Variants in DPYD observed in about 807,000 individuals in gnomAD.
DPYD encodes the protein dihydropyrimidine dehydrogenase.
A neutral mutation model predicts 116.2 loss-of-function variants in DPYD; 109 were observed. That is an observed-to-expected ratio of 0.94 (90% CI 0.80 to 1.10). The LOEUF is 1.10. Ranked by LOEUF, DPYD falls within the 50% of genes least tolerant of loss-of-function variation. DPYD has a pLI of 0.00. For synonymous variants in DPYD, 440 were observed against 432.0 expected (o/e 1.02, Z -0.23); for missense variants, 1,302 against 1,254.5 (o/e 1.04, Z -0.57).
chr1:97,402,197 A>G (rs1326409807), intron 14 of DPYD, among the ~76,000 whole-genome samples: 1 of 152,128 alleles, frequency 6.6e-6, no homozygotes, highest in Admixed American at 6.6e-5. Context: ...CATTGCATCT[A>G]TAGATCAAGC....
chr1:97,265,878 A>T (rs1176175178), intron 18 of DPYD, among the ~76,000 whole-genome samples: 1 of 152,158 alleles, frequency 6.6e-6, no homozygotes, highest in Non-Finnish European at 1.5e-5. Context: ...AGAAAACCCC[A>T]TCACTCTATT....
At chr1:97,368,890 G>A (rs1671174464) in intron 16 of DPYD, among the ~76,000 whole-genome samples, 1 of 152,122 alleles carries the variant, frequency 6.6e-6, no homozygotes. Context: ...GCCAGGGAAG[G>A]CCATATCTTG....
At chr1:97,866,395 C>A (rs111599405) in intron 2 of DPYD, among the ~76,000 whole-genome samples, 1 of 151,958 alleles carries the variant, frequency 6.6e-6, no homozygotes, top group Non-Finnish European at 1.5e-5. Flanking sequence ...AAAAACCAAA[C>A]TTTAAATGTG....
chr1:97,357,542 T>A (rs564115330), intron 16 of DPYD, among the ~76,000 whole-genome samples: 1 of 152,316 alleles, frequency 6.6e-6, no homozygotes, highest in East Asian at 1.9e-4. Context: ...CAGTACTATC[T>A]TTTTAAAACA....
intron 12 of DPYD, among the ~76,000 whole-genome samples, chr1:97,531,673 G>A (rs1332154285): frequency 6.6e-6 from 1 of 152,024 alleles, no homozygotes; most frequent in East Asian, 1.9e-4. Flanking sequence ...AATGTATTTG[G>A]AATTTTGATA....
intron 5 of DPYD, among the ~76,000 whole-genome samples, chr1:97,716,162 T>G (rs1662603681): frequency 6.6e-6 from 1 of 152,070 alleles, no homozygotes; most frequent in African/African-American, 2.4e-5. Context: ...TTAATTGTAT[T>G]AGTGTATATT....
chr1:97,317,351 G>T (rs192515769), intron 16 of DPYD, among the ~76,000 whole-genome samples: 1 of 152,018 alleles, frequency 6.6e-6, no homozygotes, highest in African/African-American at 2.4e-5. Context: ...ATGAACCCCA[G>T]CAGGTTTCCT....
At chr1:97,881,165 G>A (rs1672199574) in intron 2 of DPYD, among the ~76,000 whole-genome samples, 2 of 152,010 alleles carry the variant, frequency 1.3e-5, no homozygotes, top group South Asian at 4.1e-4. Flanking sequence ...ATCTCAAAAT[G>A]TAGCTATATT....
intron 3 of DPYD, among the ~76,000 whole-genome samples, chr1:97,746,516 A>G (rs1185907011): frequency 6.6e-6 from 1 of 152,118 alleles, no homozygotes; most frequent in Non-Finnish European, 1.5e-5. Flanking sequence ...CGAAAAATAT[A>G]CTTATGACTA....
At chr1:97,847,866 T>C (rs548294874) in intron 2 of DPYD, among the ~76,000 whole-genome samples, 1 of 152,244 alleles carries the variant, frequency 6.6e-6, no homozygotes, top group Non-Finnish European at 1.5e-5. Flanking sequence ...AATAACCAAA[T>C]AAAGCTTACT....
At chr1:97,754,162 T>A (rs1441610484) in intron 3 of DPYD, among the ~76,000 whole-genome samples, 1 of 152,124 alleles carries the variant, frequency 6.6e-6, no homozygotes, top group Non-Finnish European at 1.5e-5. Flanking sequence ...TCAGTTTAAT[T>A]CATATCATAA....
intron 4 of DPYD, among the ~76,000 whole-genome samples, chr1:97,728,973 G>T (rs778760878): frequency 6.6e-6 from 1 of 151,854 alleles, no homozygotes; most frequent in Non-Finnish European, 1.5e-5. Flanking sequence ...GGAGATAGAA[G>T]AATAGGTTTG....
intron 11 of DPYD, among the ~76,000 whole-genome samples, chr1:97,572,393 C>A (rs762791565): frequency 6.6e-6 from 1 of 151,860 alleles, no homozygotes; most frequent in African/African-American, 2.4e-5. Flanking sequence ...TGAGCCAAAT[C>A]TGTTCAGGTT....
At chr1:97,711,617 C>T (rs1662288496) in intron 5 of DPYD, among the ~76,000 whole-genome samples, 1 of 151,886 alleles carries the variant, frequency 6.6e-6, no homozygotes, top group Non-Finnish European at 1.5e-5. Context: ...TGCATTCGTT[C>T]TATGTTAGGC....
chr1:97,740,504 A>G lies in DPYD; in HGVS notation c.234-25T>C, dbSNP rs200982461. On this transcript the variant is annotated intron_variant, in intron 3 of 22. Transcript: ENST00000370192. ...TCTAGGAAATAAAATAACTATGTTA[A>G]GAAACTACAAGATAAGTGAGATAAT... 142 of 1,568,014 alleles carry G rather than the reference A, an allele frequency of 9.1e-5. No individual in the cohort carries two copies. The African/African-American group carries it at 1.8e-3, about 20-fold the overall frequency.
chr1:97,853,100 C>T (rs1387126304), intron 2 of DPYD, among the ~76,000 whole-genome samples: 1 of 152,118 alleles, frequency 6.6e-6, no homozygotes, highest in East Asian at 1.9e-4. Context: ...TCTTGTTTTA[C>T]TGTAGCATTC....
chr1:97,634,546 T>C lies in DPYD; in HGVS notation c.851-39380A>G, dbSNP rs72975749. On this transcript the variant is annotated intron_variant, in intron 8 of 22. Coordinates refer to ENST00000370192, the MANE Select transcript of DPYD (RefSeq NM_000110.4). ...ATCAAAATAAAAATAACTAAAAAGA[T>C]AATTCTTACTCTGAAGATGTCAAAG... 2.3e-3 allele frequency among the ~76,000 whole-genome samples: 348 copies of C among 152,184 alleles called. 2 individuals carry two copies. Among genetic ancestry groups the C allele is most frequent in the African/African-American group, 8.0e-3 (332 of 41,552 alleles).
intron 11 of DPYD, among the ~76,000 whole-genome samples, chr1:97,573,091 G>T (rs1016111874): frequency 3.1e-4 from 47 of 151,994 alleles, no homozygotes; most frequent in African/African-American, 1.1e-3. Flanking sequence ...AAAGTACCTA[G>T]ATACATAAGC....
At chr1:97,352,684 T>A (rs565522700) in intron 16 of DPYD, among the ~76,000 whole-genome samples, 81 of 152,214 alleles carry the variant, frequency 5.3e-4, no homozygotes, top group African/African-American at 1.9e-3. Context: ...CTTCCCTACT[T>A]TGTGGGATGA....
Sources: gnomAD v4.1 joint callset for allele counts (sites outside exome capture counted in the v4.1 genomes callset) on GRCh38, gnomAD v4.1.1 for gene constraint, MANE v1.5 for transcripts, NCBI Gene and HGNC (gene_info 2026-07-23, HGNC 2026-07-21) for gene names.